The following NELL1 variants were observed in gnomAD, a reference collection of about 807,000 sequenced individuals.
The protein encoded by NELL1 is neural EGFL like 1.
NELL1 carries 76 observed loss-of-function variants against 107.4 expected under a neutral mutation model. The observed-to-expected ratio is 0.71, with a 90% CI of 0.59 to 0.86. NELL1 has a LOEUF of 0.86. Ranked by LOEUF, NELL1 falls within the 40% of genes least tolerant of loss-of-function variation. The pLI is 0.00. For synonymous variants in NELL1, 353 were observed against 341.2 expected (o/e 1.03, Z -0.38); for missense variants, 1,024 against 1,005.5 (o/e 1.02, Z -0.25).
At chr11:21,111,545 C>T (rs1855108223) in intron 12 of NELL1, among the ~76,000 whole-genome samples, 1 of 152,100 alleles carries the variant, frequency 6.6e-6, no homozygotes, top group South Asian at 2.1e-4. Context: ...GTATATGGTG[C>T]TTGCTTATGC....
chr11:20,927,038 T>G (rs1444737420), intron 7 of NELL1: 1 of 359,922 alleles, frequency 2.8e-6, no homozygotes, highest in African/African-American at 2.1e-5. Flanking sequence ...GCACACACAT[T>G]TATGAACACC....
At chr11:21,254,784 C>T (rs1182235754) in intron 14 of NELL1, among the ~76,000 whole-genome samples, 2 of 152,054 alleles carry the variant, frequency 1.3e-5, no homozygotes, top group Non-Finnish European at 2.9e-5. Context: ...CTTCTTTTCA[C>T]AGTACATTTC....
chr11:21,227,538 A>G (rs890618954), intron 13 of NELL1, among the ~76,000 whole-genome samples: 12 of 152,210 alleles, frequency 7.9e-5, no homozygotes, highest in Non-Finnish European at 1.3e-4. Context: ...AAACTCTTGG[A>G]GTATAAGTCT....
At chr11:21,526,670 A>T (rs535827020) in intron 15 of NELL1, among the ~76,000 whole-genome samples, 1 of 152,318 alleles carries the variant, frequency 6.6e-6, no homozygotes, top group East Asian at 1.9e-4. Context: ...ACTTCTGGGC[A>T]CCCACAGGCT....
At chr11:21,002,474 T>G (rs1269995261) in intron 12 of NELL1, among the ~76,000 whole-genome samples, 2 of 152,154 alleles carry the variant, frequency 1.3e-5, no homozygotes, top group East Asian at 3.9e-4. Context: ...TACTACTTTC[T>G]GTTTTATTAG....
In NELL1 at chr11:21,504,192, C is replaced by T. The variant is rs1361280549; in HGVS notation, c.1646-30182C>T. 6.6e-5 allele frequency: 10 copies of T among 152,262 alleles called. No homozygotes were observed. In the South Asian group the frequency reaches 8.3e-4, roughly 13 times the overall value. 9.4% of individuals were successfully genotyped at this position (152,262 alleles called of 1,614,324 possible). On this transcript the variant is annotated intron_variant, in intron 15 of 19. Transcript: ENST00000357134. The stretch of plus-strand genomic sequence containing the variant: ...GCACATAAGTGTCTAATAAATATTC[C>T]GACAGAATAATTGGAAGCTAGGGTG...
chr11:21,283,313 A>G (rs1849039446), intron 14 of NELL1, among the ~76,000 whole-genome samples: 1 of 152,076 alleles, frequency 6.6e-6, no homozygotes, highest in South Asian at 2.1e-4. Context: ...TGTACCCACA[A>G]AAATTAAAAA....
At chr11:21,136,006 T>G (rs1855737294) in intron 13 of NELL1, among the ~76,000 whole-genome samples, 2 of 152,310 alleles carry the variant, frequency 1.3e-5, no homozygotes, top group South Asian at 4.1e-4. Flanking sequence ...TAAAAATACT[T>G]ATTATTTCAG....
chr11:20,692,860 T>G (rs1266963499), intron 2 of NELL1, among the ~76,000 whole-genome samples: 1 of 152,312 alleles, frequency 6.6e-6, no homozygotes, highest in African/African-American at 2.4e-5. Flanking sequence ...TCTGTCTCGT[T>G]GATCTGTCTA....
At chr11:21,016,595 T>G (rs1163513094) in intron 12 of NELL1, among the ~76,000 whole-genome samples, 1 of 152,072 alleles carries the variant, frequency 6.6e-6, no homozygotes, top group Non-Finnish European at 1.5e-5. Context: ...TCAAATTACC[T>G]TTCCCTGCTA....
chr11:20,996,469 T>G (rs1443812169), intron 12 of NELL1, among the ~76,000 whole-genome samples: 1 of 152,178 alleles, frequency 6.6e-6, no homozygotes, highest in Non-Finnish European at 1.5e-5. Flanking sequence ...GGGCTACTGA[T>G]TCTCCAGGAC....
intron 13 of NELL1, among the ~76,000 whole-genome samples, chr11:21,135,775 C>T (rs982742660): frequency 6.6e-6 from 1 of 151,988 alleles, no homozygotes; most frequent in African/African-American, 2.4e-5. Flanking sequence ...AATATTAGAT[C>T]ATTTTTCTCT....
At chr11:21,001,702 A>C (rs1852224698) in intron 12 of NELL1, among the ~76,000 whole-genome samples, 1 of 151,476 alleles carries the variant, frequency 6.6e-6, no homozygotes, top group South Asian at 2.1e-4. Context: ...ACCAAATGTG[A>C]ATCTTACAAA....
chr11:21,506,617 A>G (rs977957449), intron 15 of NELL1, among the ~76,000 whole-genome samples: 1 of 152,326 alleles, frequency 6.6e-6, no homozygotes. Context: ...TGGTGGGAAT[A>G]AATAAGATAA....
intron 12 of NELL1, among the ~76,000 whole-genome samples, chr11:21,028,851 A>C (rs551904724): frequency 8.5e-5 from 13 of 152,298 alleles, no homozygotes; most frequent in Admixed American, 6.5e-4. Context: ...TAATTTAAAA[A>C]GCTCTCAAGT....
chr11:20,683,159 C>A (rs2133856326), intron 2 of NELL1, among the ~76,000 whole-genome samples: 1 of 151,606 alleles, frequency 6.6e-6, no homozygotes, highest in African/African-American at 2.4e-5. Flanking sequence ...TTTGTTTTAT[C>A]TTTGTTGGCT....
intron 17 of NELL1, among the ~76,000 whole-genome samples, chr11:21,569,498 A>T (rs889602162): frequency 6.6e-6 from 1 of 151,714 alleles, no homozygotes; most frequent in Non-Finnish European, 1.5e-5. Flanking sequence ...GATGATATAT[A>T]CTTAAAACCA....
intron 15 of NELL1, among the ~76,000 whole-genome samples, chr11:21,406,788 G>A (rs1215963838): frequency 1.3e-5 from 2 of 151,780 alleles, no homozygotes; most frequent in Non-Finnish European, 2.9e-5. Context: ...GAGTATTTAG[G>A]GTATCCCTCA....
chr11:21,281,063 G>T (rs1306176627), intron 14 of NELL1, among the ~76,000 whole-genome samples: 3 of 151,468 alleles, frequency 2.0e-5, no homozygotes, highest in Non-Finnish European at 4.4e-5. Context: ...TCTTCTGCTT[G>T]AGGAGAGGGA....
Sources: allele counts gnomAD v4.1 joint callset (sites outside exome capture counted in the v4.1 genomes callset), GRCh38; gene constraint gnomAD v4.1.1; transcripts MANE v1.5; gene names NCBI Gene and HGNC (gene_info 2026-07-23, HGNC 2026-07-21).